The following CACNA1D variants were observed in gnomAD, a reference collection of about 807,000 sequenced individuals.
CACNA1D encodes the protein voltage-dependent L-type calcium channel subunit alpha-1D.
Under a neutral mutation model 257.1 loss-of-function variants are expected in CACNA1D, and 55 were observed. That is an observed-to-expected ratio of 0.21 (90% CI 0.17 to 0.27). The LOEUF (loss-of-function observed/expected upper bound fraction) is 0.27. Among genes scored for constraint, CACNA1D ranks in the 10% least tolerant of loss-of-function variants. The pLI, the probability that CACNA1D is intolerant of heterozygous loss-of-function variation, is 1.00. For missense variants in CACNA1D, 1,876 were observed against 2,784.0 expected (o/e 0.67, Z 7.34); for synonymous variants, 980 against 1,014.9 (o/e 0.97, Z 0.65).
chr3:53,555,458 G>T (rs113868440), intron 3 of CACNA1D, among the ~76,000 whole-genome samples: 113 of 109,138 alleles, frequency 1.0e-3, no homozygotes, highest in African/African-American at 5.2e-3. Context: ...GTGTGTGTGT[G>T]TGTTTTTTTT....
intron 3 of CACNA1D, among the ~76,000 whole-genome samples, chr3:53,508,811 G>A (rs2090977658): frequency 6.6e-6 from 1 of 152,212 alleles, no homozygotes; most frequent in South Asian, 2.1e-4. Flanking sequence ...CGCCCCAACA[G>A]ACCCCAACAG....
chr3:53,677,680 G>A (rs1300572049), intron 8 of CACNA1D, among the ~76,000 whole-genome samples: 1 of 152,200 alleles, frequency 6.6e-6, no homozygotes, highest in Non-Finnish European at 1.5e-5. Flanking sequence ...TGGAAGCACT[G>A]TGTCAGCTGC....
intron 3 of CACNA1D, among the ~76,000 whole-genome samples, chr3:53,538,031 C>T (rs867557632): frequency 6.7e-6 from 1 of 149,056 alleles, no homozygotes; most frequent in African/African-American, 2.5e-5. Flanking sequence ...ATGTGTAGAT[C>T]AAGTCATTCC....
chr3:53,744,574 G>A (rs1353145771), intron 22 of CACNA1D, among the ~76,000 whole-genome samples, 166 bp from the exon 23 acceptor site: 1 of 152,178 alleles, frequency 6.6e-6, no homozygotes, highest in East Asian at 1.9e-4. Context: ...TGGGCGGGGA[G>A]GAGAAGTCGC....
chr3:53,499,286 AATAG>A (rs1559753399), intron 2 of CACNA1D, among the ~76,000 whole-genome samples: 1 of 152,180 alleles, frequency 6.6e-6, no homozygotes, highest in Non-Finnish European at 1.5e-5. Flanking sequence ...CAGTTTGTAA[AATAG>A]ATAGACCCTT....
intron 2 of CACNA1D, among the ~76,000 whole-genome samples, chr3:53,498,428 G>A (rs1392558299): frequency 6.6e-6 from 1 of 152,190 alleles, no homozygotes; most frequent in African/African-American, 2.4e-5. Flanking sequence ...TTCAGAGAAG[G>A]TTGACTGAGG....
Position 53,805,162 on chromosome 3 carries a change from T to A in CACNA1D, c.5749+16T>A. On this transcript the variant is annotated intron_variant, in intron 45 of 47. Transcript: ENST00000350061. Reference sequence around the variant, plus strand: ...ACCCCAGCATGTGAGGCCAGATTTTTTGTTTTGGGTGGAACCTCCCGGGGA... The same window carrying A: ...ACCCCAGCATGTGAGGCCAGATTTTATGTTTTGGGTGGAACCTCCCGGGGA... The A allele has an allele frequency of 1.2e-6, 2 of 1,612,178 alleles. No homozygotes were observed. Among genetic ancestry groups the A allele is most frequent in the East Asian group, 2.2e-5 (1 of 44,862 alleles).
rs147286067 is a variant in CACNA1D at position 53,614,015 on chromosome 3, A to G, written c.484-36764A>G. Among the ~76,000 whole-genome samples the G allele has an allele frequency of 2.6e-4, 40 of 151,054 alleles. No individual in the cohort carries two copies. In the East Asian group the frequency reaches 6.5e-3, roughly 25 times the overall value. On this transcript the variant is annotated intron_variant, in intron 3 of 47. Coordinates refer to ENST00000350061, the MANE Select transcript of CACNA1D (RefSeq NM_001128840.3). The stretch of plus-strand genomic sequence containing the variant: ...TAGGAATAGATAATAAGATACAGCT[A>G]GGTGTGCTGGCGCATACCTGTAGTG...
At chr3:53,654,598 A>G (rs977914299) in intron 4 of CACNA1D, among the ~76,000 whole-genome samples, 3 of 152,134 alleles carry the variant, frequency 2.0e-5, no homozygotes, top group African/African-American at 7.2e-5. Flanking sequence ...TTCCCCCACC[A>G]TTGACAAAGT....
At chr3:53,628,995 G>A (rs2093791395) in intron 3 of CACNA1D, among the ~76,000 whole-genome samples, 1 of 152,218 alleles carries the variant, frequency 6.6e-6, no homozygotes, top group Non-Finnish European at 1.5e-5. Flanking sequence ...ACAGGTCTAG[G>A]GCAGGGGTGA....
chr3:53,596,661 A>G lies in CACNA1D; in HGVS notation c.484-54118A>G, dbSNP rs146526946. ...GTCAAGAGTGATGTAACCACGAGCC[A>G]AGGAATGTGGGCAGCCTTAGAAGCT... On this transcript the variant is annotated intron_variant, in intron 3 of 47. Coordinates refer to ENST00000350061, the MANE Select transcript of CACNA1D (RefSeq NM_001128840.3). Among the ~76,000 whole-genome samples the G allele has an allele frequency of 3.1e-3, 472 of 152,314 alleles. 2 individuals are homozygous for G. The highest frequency in any genetic ancestry group is 5.5e-3 in the Non-Finnish European group (377 of 68,026).
At chr3:53,749,915 G>A (rs2095210749) in intron 27 of CACNA1D, among the ~76,000 whole-genome samples, 1 of 152,186 alleles carries the variant, frequency 6.6e-6, no homozygotes, top group Admixed American at 6.5e-5. Context: ...GGGCTTTTTA[G>A]GCTGTTTAGC....
At chr3:53,719,866 G>A in intron 11 of CACNA1D, 85 bp downstream of exon 11, 2 of 1,226,914 alleles carry the variant, frequency 1.6e-6, no homozygotes, top group East Asian at 4.6e-5. Context: ...GTATTGCTCT[G>A]GACTTGAGTT....
intron 3 of CACNA1D, among the ~76,000 whole-genome samples, chr3:53,553,829 G>A (rs1052932935): frequency 3.3e-5 from 5 of 151,276 alleles, no homozygotes. Context: ...GAGTTCAAAG[G>A]TTCTTCTAAG....
In CACNA1D at chr3:53,740,510, C is replaced by T. The variant is rs78205464; in HGVS notation, c.2811+171C>T. On this transcript the variant is annotated intron_variant, in intron 21 of 47. Transcript: ENST00000350061. ...GGTTACCCGGCAGTGTGTTTAAGGG[C>T]TGCTCCTGCGTGTGACACACAGGAA... 4.3e-3 allele frequency: 2,828 copies of T among 653,040 alleles called. 14 individuals carry two copies. Among genetic ancestry groups the T allele is most frequent in the Non-Finnish European group, 6.4e-3 (2,258 of 354,480 alleles). The allele number at this position is 653,040 out of a possible 1,614,324, so 40.5% of individuals were successfully genotyped here. A position where few individuals can be genotyped will look rare whatever the true frequency, so the allele number is the denominator to read the frequency against.
Position 53,620,187 on chromosome 3 carries a change from C to T in CACNA1D, c.484-30592C>T, listed in dbSNP as rs534402520. ...GACAGGTGTCTAGTGAGCGGCCTTTCCATGGGCAGTGTGTATGGAGGGGCC... is the reference window on the plus strand; with the variant it reads ...GACAGGTGTCTAGTGAGCGGCCTTTTCATGGGCAGTGTGTATGGAGGGGCC... On this transcript the variant is annotated intron_variant, in intron 3 of 47. Transcript: ENST00000350061. Among the ~76,000 whole-genome samples, 4 of 152,270 alleles carry T rather than the reference C, an allele frequency of 2.6e-5. No individual in the cohort carries two copies. In the South Asian group the frequency reaches 8.3e-4, roughly 32 times the overall value.
intron 7 of CACNA1D, among the ~76,000 whole-genome samples, chr3:53,669,240 T>G (rs961001767): frequency 4.6e-5 from 7 of 152,238 alleles, no homozygotes; most frequent in African/African-American, 1.7e-4. Context: ...TGGGCCACAG[T>G]CAGCTGGAAG....
chr3:53,752,478 C>T (rs919503763), intron 28 of CACNA1D, among the ~76,000 whole-genome samples: 8 of 152,224 alleles, frequency 5.3e-5, no homozygotes, highest in African/African-American at 1.9e-4. Context: ...CGGCTCACTG[C>T]AACCTCCGCC....
At chr3:53,718,685 C>T (rs1225425964) in intron 10 of CACNA1D, 2 of 1,548,574 alleles carry the variant, frequency 1.3e-6, no homozygotes, top group African/African-American at 1.4e-5. Context: ...CCATTAGGTG[C>T]TGGTGGAGAC....
Sources: gnomAD v4.1 joint callset for allele counts (sites outside exome capture counted in the v4.1 genomes callset) on GRCh38, gnomAD v4.1.1 for gene constraint, MANE v1.5 for transcripts, NCBI Gene and HGNC (gene_info 2026-07-23, HGNC 2026-07-21) for gene names.